GABPA: variants seen among roughly 807,000 people sequenced by gnomAD.
GABPA encodes GA binding protein transcription factor subunit alpha.
GABPA carries 4 observed loss-of-function variants against 59.4 expected under a neutral mutation model. The ratio of observed to expected loss-of-function variants is 0.07; its 90% CI spans 0.03 to 0.15. The LOEUF is 0.15. GABPA is among the 10% of genes least tolerant of loss of function. GABPA has a pLI of 1.00. For synonymous variants in GABPA, 164 were observed against 183.1 expected (o/e 0.90, Z 0.84); for missense variants, 251 against 543.8 (o/e 0.46, Z 5.36).
intron 1 of GABPA, among the ~76,000 whole-genome samples, chr21:25,739,039 A>G (rs1031002064): frequency 6.6e-6 from 1 of 152,118 alleles, no homozygotes; most frequent in African/African-American, 2.4e-5. Flanking sequence ...GCAGTCGGCT[A>G]GATGTGCTTG....
At chr21:25,743,219 A>G (rs756165767) in intron 2 of GABPA, among the ~76,000 whole-genome samples, 38 of 152,188 alleles carry the variant, frequency 2.5e-4, no homozygotes, top group Non-Finnish European at 4.7e-4. Flanking sequence ...TGAGAGACAG[A>G]ATGGCAAAGT....
chr21:25,754,567 T>A (rs1021801286), intron 5 of GABPA, among the ~76,000 whole-genome samples: 1 of 152,220 alleles, frequency 6.6e-6, no homozygotes, highest in South Asian at 2.1e-4. Context: ...TCTGATCTTA[T>A]ATTGCCAATA....
intron 5 of GABPA, among the ~76,000 whole-genome samples, chr21:25,755,476 C>T (rs1289437113): frequency 6.8e-6 from 1 of 146,612 alleles, no homozygotes; most frequent in Non-Finnish European, 1.5e-5. Flanking sequence ...GAGTTTCAAA[C>T]GTGTCAATAT....
chr21:25,749,097 G>C lies in GABPA; in HGVS notation c.284G>C (p.Ser95Thr), dbSNP rs757363577. 6.3e-7 allele frequency: 1 copy of C among 1,588,798 alleles called. No homozygotes were observed. Among genetic ancestry groups the C allele is most frequent in the African/African-American group, 1.3e-5 (1 of 74,284 alleles). ...AAAACAGATGGAACTGTACAGCTTA[G>C]TGTACAGGTAATTTCTTACCAAGGT... ...GVKTDGTVQL[S>T]VQVISYQGIE... The change falls in exon 4 of 10, where the codon AGT becomes ACT. Residue 95 changes from serine (S) to threonine (T), a missense_variant. This residue lies in a region of GABPA where 207 missense variants were observed against 366.7 expected (regional missense o/e 0.56). Coordinates refer to ENST00000400075, the MANE Select transcript of GABPA (RefSeq NM_002040.4).
Position 25,769,256 on chromosome 21 carries a change from A to G in GABPA, c.*24A>G. Reference sequence around the variant, plus strand: ...GAGCCCCAGGACATTCTGAGACTCCAAAGTCTTTCTTAAAATGTTTAGAGC... The same window carrying G: ...GAGCCCCAGGACATTCTGAGACTCCGAAGTCTTTCTTAAAATGTTTAGAGC... On this transcript the variant is annotated 3_prime_UTR_variant, in exon 10 of 10. Coordinates refer to ENST00000400075, the MANE Select transcript of GABPA (RefSeq NM_002040.4). 6.9e-7 allele frequency: 1 copy of G among 1,459,296 alleles called. No homozygotes were observed. Among genetic ancestry groups the G allele is most frequent in the Non-Finnish European group, 9.6e-7 (1 of 1,040,604 alleles). The allele number at this position is 1,459,296 out of a possible 1,614,324, so 90.4% of individuals were successfully genotyped here.
intron 4 of GABPA, among the ~76,000 whole-genome samples, chr21:25,750,923 G>A (rs887341927): frequency 6.6e-6 from 1 of 152,148 alleles, no homozygotes; most frequent in African/African-American, 2.4e-5. Flanking sequence ...TTTGAAAAAT[G>A]ATTCTCTTTA....
At chr21:25,768,014 A>G in intron 9 of GABPA, among the ~76,000 whole-genome samples, 1 of 152,026 alleles carries the variant, frequency 6.6e-6, no homozygotes, top group Non-Finnish European at 1.5e-5. Context: ...GGGCAGTGCA[A>G]TTTTAAAATA....
chr21:25,755,725 T>C (rs985604126), intron 5 of GABPA, among the ~76,000 whole-genome samples: 3 of 152,118 alleles, frequency 2.0e-5, no homozygotes, highest in African/African-American at 7.2e-5. Context: ...GGTGTCCACA[T>C]GTGTGGGGTG....
chr21:25,738,886 T>A (rs939042760), intron 1 of GABPA, among the ~76,000 whole-genome samples: 1 of 152,082 alleles, frequency 6.6e-6, no homozygotes, highest in Non-Finnish European at 1.5e-5. Context: ...ATAGGCTTTA[T>A]TGGAGAAAAG....
At chr21:25,749,872 A>G (rs992756234) in intron 4 of GABPA, among the ~76,000 whole-genome samples, 3 of 152,198 alleles carry the variant, frequency 2.0e-5, no homozygotes, top group Non-Finnish European at 4.4e-5. Context: ...ATCTGCCTCA[A>G]TGGTCCCCAA....
At chr21:25,737,821 A>G (rs2035119824) in intron 1 of GABPA, among the ~76,000 whole-genome samples, 2 of 152,224 alleles carry the variant, frequency 1.3e-5, no homozygotes, top group African/African-American at 4.8e-5. Flanking sequence ...ATTCTGCTAT[A>G]AACCTGATTC....
chr21:25,748,582 A>G (rs111942904), intron 3 of GABPA, among the ~76,000 whole-genome samples: 23 of 152,210 alleles, frequency 1.5e-4, no homozygotes, highest in African/African-American at 5.5e-4. Flanking sequence ...ATGATGAGAG[A>G]TTTAGAGTAA....
rs1335631649 is a variant in GABPA at position 25,770,192 on chromosome 21, G to A, written c.*960G>A. ...CAGTCAGTAGTACTTTACCTTTCAA[G>A]GCATTAGTAAATTACTTGCAAATAG... On this transcript the variant is annotated 3_prime_UTR_variant, in exon 10 of 10. Transcript: ENST00000400075. 2 of 152,372 alleles carry A rather than the reference G, an allele frequency of 1.3e-5. No homozygotes were observed. The highest frequency in any genetic ancestry group is 2.1e-4 in the South Asian group (1 of 4,826). 9.4% of individuals were successfully genotyped at this position (152,372 alleles called of 1,614,324 possible). A position where few individuals can be genotyped will look rare whatever the true frequency, so the allele number is the denominator to read the frequency against.
At chr21:25,756,478 A>G (rs1052963876) in intron 5 of GABPA, among the ~76,000 whole-genome samples, 1 of 152,178 alleles carries the variant, frequency 6.6e-6, no homozygotes, top group African/African-American at 2.4e-5. Flanking sequence ...AGTTTGACAA[A>G]CACCCAGGTG....
At position 25,735,120 on chromosome 21, in the gene GABPA, C is replaced by A; in HGVS notation, c.-485C>A. The A allele has an allele frequency of 1.4e-6, 1 of 717,544 alleles. No homozygotes were observed. Among genetic ancestry groups the A allele is most frequent in the South Asian group, 1.6e-5 (1 of 64,392 alleles). 44.4% of individuals were successfully genotyped at this position (717,544 alleles called of 1,614,324 possible). Reference sequence around the variant, plus strand: ...ACAGCCTCCGCCATCTTTTCTTCGCCTAATTTGACCCGTTCTTTTTCCCCT... The same window carrying A: ...ACAGCCTCCGCCATCTTTTCTTCGCATAATTTGACCCGTTCTTTTTCCCCT... On this transcript the variant is annotated 5_prime_UTR_variant, in exon 1 of 10. Transcript: ENST00000400075.
intron 6 of GABPA, among the ~76,000 whole-genome samples, chr21:25,761,714 G>C (rs993810493): frequency 1.3e-5 from 2 of 152,118 alleles, no homozygotes; most frequent in Non-Finnish European, 2.9e-5. Context: ...AGTAATGAAT[G>C]GTTCTGTAAA....
chr21:25,735,942 C>G (rs1223112906), intron 1 of GABPA, among the ~76,000 whole-genome samples: 1 of 152,194 alleles, frequency 6.6e-6, no homozygotes, highest in Non-Finnish European at 1.5e-5. Flanking sequence ...GGATGTGGTC[C>G]TGACGCCCCC....
intron 5 of GABPA, 198 bp downstream of exon 5, chr21:25,752,432 AAG>A (rs1420042643): frequency 1.4e-5 from 8 of 591,628 alleles, no homozygotes; most frequent in Non-Finnish European, 2.3e-5. Flanking sequence ...AGGAAATACA[AAG>A]AAGTCTAAAA....
chr21:25,771,588 T>G lies in GABPA; in HGVS notation c.*2356T>G, dbSNP rs1353436509. The G allele has an allele frequency of 6.6e-6, 1 of 151,992 alleles. No individual in the cohort carries two copies. The highest frequency in any genetic ancestry group is 1.5e-5 in the Non-Finnish European group (1 of 67,870). 9.4% of individuals were successfully genotyped at this position (151,992 alleles called of 1,614,324 possible). A position where few individuals can be genotyped will look rare whatever the true frequency, so the allele number is the denominator to read the frequency against. On this transcript the variant is annotated 3_prime_UTR_variant, in exon 10 of 10. Transcript: ENST00000400075. Reference sequence around the variant, plus strand: ...GGTTACAGTTATCAGAAAGGTAGTTTTTTTCTTCTATTAAAATATAACATT... The same window carrying G: ...GGTTACAGTTATCAGAAAGGTAGTTGTTTTCTTCTATTAAAATATAACATT...
Sources: allele counts gnomAD v4.1 joint callset (sites outside exome capture counted in the v4.1 genomes callset), GRCh38; gene constraint gnomAD v4.1.1; regional missense constraint gnomAD v4.1.1; transcripts MANE v1.5; gene names NCBI Gene and HGNC (gene_info 2026-07-23, HGNC 2026-07-21).